Variants in TADA2A observed in about 807,000 individuals in gnomAD.
TADA2A encodes transcriptional adapter 2-alpha.
Under a neutral mutation model 67.4 loss-of-function variants are expected in TADA2A, and 38 were observed. That is an observed-to-expected ratio of 0.56 (90% CI 0.44 to 0.74). TADA2A has a LOEUF of 0.74. Ranked by LOEUF, TADA2A falls within the 30% of genes least tolerant of loss-of-function variation. TADA2A has a pLI of 0.00. For missense variants in TADA2A, 454 were observed against 547.0 expected (o/e 0.83, Z 1.70); for synonymous variants, 192 against 181.6 (o/e 1.06, Z -0.46).
intron 3 of TADA2A, 130 bp from the exon 4 acceptor site, chr17:37,426,820 G>T: frequency 1.3e-6 from 1 of 751,274 alleles, no homozygotes; most frequent in South Asian, 1.8e-5. Flanking sequence ...ACTTCGGCCT[G>T]GGTGACAGAA....
chr17:37,423,784 C>T (rs2052319812), intron 3 of TADA2A, among the ~76,000 whole-genome samples, 169 bp downstream of exon 3: 1 of 144,344 alleles, frequency 6.9e-6, no homozygotes, highest in Non-Finnish European at 1.5e-5. Context: ...GAGTCTCACT[C>T]AGTCGCCCAG....
chr17:37,440,053 C>G (rs1257077604), intron 5 of TADA2A, among the ~76,000 whole-genome samples: 1 of 151,546 alleles, frequency 6.6e-6, no homozygotes, highest in African/African-American at 2.4e-5. Flanking sequence ...AAGCAATTCT[C>G]CTGCCTCAGC....
chr17:37,474,748 C>T, intron 15 of TADA2A, 119 bp downstream of exon 15: 1 of 1,091,588 alleles, frequency 9.2e-7, no homozygotes, highest in Non-Finnish European at 1.3e-6. Context: ...CATATATGCA[C>T]AGCTCTGGTG....
chr17:37,452,435 C>T (rs17138731), intron 8 of TADA2A, among the ~76,000 whole-genome samples: 34,039 of 152,060 alleles, frequency 0.22, 3,976 homozygotes, highest in Middle Eastern at 0.35. Context: ...GGTAAGTACT[C>T]AGTGTGTTTT....
At position 37,422,253 on chromosome 17, in the gene TADA2A, C is replaced by G. The variant is rs1395312720; in HGVS notation, c.26-1256C>G. On this transcript the variant is annotated intron_variant, in intron 2 of 15. Transcript: ENST00000615182. ...TAGAGATGGGGTTTCACCATCTTGG[C>G]CAGGCTGGTCTTGAACTCCTCACCT... Among the ~76,000 whole-genome samples the G allele has an allele frequency of 1.4e-5, 2 of 138,454 alleles. 1 individual carries two copies. 90.8% of individuals were successfully genotyped at this position (138,454 alleles called of 152,430 possible).
chr17:37,432,712 C>T (rs538531305), intron 4 of TADA2A, among the ~76,000 whole-genome samples: 28 of 152,156 alleles, frequency 1.8e-4, no homozygotes, highest in African/African-American at 5.3e-4. Context: ...TGGATAAATA[C>T]CTAGGAGTGA....
chr17:37,451,139 C>T (rs1038720629), intron 8 of TADA2A, among the ~76,000 whole-genome samples: 7 of 151,906 alleles, frequency 4.6e-5, no homozygotes, highest in Non-Finnish European at 8.8e-5. Context: ...ATGATCCTTC[C>T]GCCTTAGCCT....
At chr17:37,475,159 ATT>A (rs2053866498) in intron 15 of TADA2A, among the ~76,000 whole-genome samples, 2 of 151,720 alleles carry the variant, frequency 1.3e-5, no homozygotes, top group African/African-American at 4.8e-5. Flanking sequence ...ATTATTTTTT[ATT>A]TTTATTTTTT....
intron 9 of TADA2A, among the ~76,000 whole-genome samples, chr17:37,459,739 C>T (rs577184115): frequency 5.3e-5 from 8 of 151,496 alleles, no homozygotes; most frequent in Admixed American, 1.3e-4. Context: ...ACTACAGGTG[C>T]GCACCACCAC....
In TADA2A at chr17:37,470,434, G is replaced by A. The variant is rs1409179514; in HGVS notation, c.930G>A (p.Arg310=). ...CCTACGATCACCTCAAGAAGACACG[G>A]GAGGAAGAGCGCCTTAAACGCACTA... ...ARTYDHLKKT[R]EEERLKRTML... is the part of the protein sequence containing the mutation. Residue 310 remains arginine, a synonymous_variant, in exon 13 of 16, where the codon CGG becomes CGA. Coordinates refer to ENST00000615182, the MANE Select transcript of TADA2A (RefSeq NM_001166105.3). The A allele has an allele frequency of 2.5e-6, 4 of 1,613,718 alleles. No individual in the cohort carries two copies. The East Asian group carries it at 6.7e-5, about 27-fold the overall frequency.
chr17:37,465,019 C>T (rs916873602), intron 10 of TADA2A, among the ~76,000 whole-genome samples: 1 of 147,998 alleles, frequency 6.8e-6, no homozygotes, highest in East Asian at 2.0e-4. Flanking sequence ...TAGTGGCGGG[C>T]GCCTGTAATC....
intron 8 of TADA2A, among the ~76,000 whole-genome samples, chr17:37,448,020 G>C (rs7219273): frequency 0.046 from 6,936 of 152,224 alleles, 503 homozygotes; most frequent in African/African-American, 0.15. Context: ...TGATTAGTCA[G>C]AGTGTAAATG....
chr17:37,473,416 C>T (rs142179142), intron 14 of TADA2A, among the ~76,000 whole-genome samples: 242 of 152,164 alleles, frequency 1.6e-3, no homozygotes, highest in African/African-American at 5.6e-3. Flanking sequence ...TGTAGCCTAG[C>T]CTCTGGTGAC....
intron 9 of TADA2A, among the ~76,000 whole-genome samples, chr17:37,460,720 T>G (rs1374599815): frequency 2.0e-5 from 3 of 152,218 alleles, no homozygotes; most frequent in African/African-American, 7.2e-5. Context: ...CTCAGACCTC[T>G]GTTGGTTTCA....
chr17:37,424,197 C>CT (rs1316417748), intron 3 of TADA2A, among the ~76,000 whole-genome samples: 5 of 151,960 alleles, frequency 3.3e-5, no homozygotes, highest in Non-Finnish European at 5.9e-5. Flanking sequence ...CTTTTGGAGG[C>CT]TGAGGCAGGT....
intron 15 of TADA2A, among the ~76,000 whole-genome samples, chr17:37,476,218 A>T (rs1057490119): frequency 6.6e-6 from 1 of 152,210 alleles, no homozygotes; most frequent in Non-Finnish European, 1.5e-5. Flanking sequence ...TGGTGACCTC[A>T]GACTCCTCAT....
At chr17:37,441,436 C>T (rs764466358) in intron 6 of TADA2A, among the ~76,000 whole-genome samples, 1 of 151,932 alleles carries the variant, frequency 6.6e-6, no homozygotes, top group Non-Finnish European at 1.5e-5. Context: ...TATTTTTGTT[C>T]GCTTGGTTGT....
intron 1 of TADA2A, among the ~76,000 whole-genome samples, chr17:37,409,093 T>C (rs1340418786): frequency 6.6e-6 from 1 of 152,152 alleles, no homozygotes; most frequent in Non-Finnish European, 1.5e-5. Flanking sequence ...ACTTATTTAT[T>C]ATTTATTTTT....
intron 4 of TADA2A, among the ~76,000 whole-genome samples, chr17:37,429,971 G>T (rs912102514): frequency 6.6e-6 from 1 of 152,196 alleles, no homozygotes; most frequent in Non-Finnish European, 1.5e-5. Context: ...CAGAAAGCTG[G>T]TTTATTTTTC....
Sources: allele counts gnomAD v4.1 joint callset (sites outside exome capture counted in the v4.1 genomes callset), GRCh38; gene constraint gnomAD v4.1.1; transcripts MANE v1.5; gene names NCBI Gene and HGNC (gene_info 2026-07-23, HGNC 2026-07-21).